The following DRC3 variants were observed in gnomAD, a reference collection of about 807,000 sequenced individuals.
The protein encoded by DRC3 is dynein regulatory complex subunit 3.
In DRC3, 45 loss-of-function variants were observed where a neutral mutation model predicts 57.6. The ratio of observed to expected loss-of-function variants is 0.78; its 90% CI spans 0.62 to 1.00. The LOEUF is 1.00. Among genes scored for constraint, DRC3 ranks in the 50% least tolerant of loss-of-function variants. DRC3 has a pLI of 0.00. For missense variants in DRC3, 655 were observed against 675.2 expected (o/e 0.97, Z 0.33); for synonymous variants, 257 against 272.3 (o/e 0.94, Z 0.55).
intron 2 of DRC3, among the ~76,000 whole-genome samples, chr17:17,975,923 A>G (rs1259526332): frequency 6.6e-6 from 1 of 152,200 alleles, no homozygotes; most frequent in Non-Finnish European, 1.5e-5. Flanking sequence ...AGCTGCATCC[A>G]AGTGGATGGT....
chr17:18,003,659 T>G (rs1189859544), intron 9 of DRC3, among the ~76,000 whole-genome samples: 1 of 139,204 alleles, frequency 7.2e-6, no homozygotes, highest in East Asian at 2.1e-4. Context: ...TTTTTTTTTT[T>G]TGAGACAGAG....
intron 2 of DRC3, among the ~76,000 whole-genome samples, chr17:17,975,524 C>T (rs1270645389): frequency 6.8e-6 from 1 of 146,640 alleles, no homozygotes; most frequent in Non-Finnish European, 1.5e-5. Flanking sequence ...CACCCCCCCC[C>T]CAAAAAAAAG....
At chr17:18,005,819 A>G (rs1471035744) in intron 10 of DRC3, 2 of 266,066 alleles carry the variant, frequency 7.5e-6, no homozygotes, top group Non-Finnish European at 1.5e-5. Flanking sequence ...AGCTCACTCC[A>G]CTGTTTCCCT....
rs760931151 is a variant in DRC3 at position 17,997,588 on chromosome 17, A to AGCAGG, written c.957_961dup (p.Lys321ArgfsTer17). On this transcript the variant is annotated frameshift_variant, in exon 9 of 14. Coordinates refer to ENST00000399187, the MANE Select transcript of DRC3 (RefSeq NM_031294.4). LOFTEE classifies it high-confidence loss of function. Reference sequence around the variant, plus strand: ...CGTGAGGCCATCCAGGAAAACCAGGAGCAGGGCAAACGCAAGATTGCCAAA... The same window carrying AGCAGG: ...CGTGAGGCCATCCAGGAAAACCAGGAGCAGGGCAGGGCAAACGCAAGATTGCCAAA... 6.2e-7 allele frequency: 1 copy of AGCAGG among 1,611,238 alleles called. No homozygotes were observed. Among genetic ancestry groups the AGCAGG allele is most frequent in the East Asian group, 2.2e-5 (1 of 44,666 alleles).
At chr17:17,998,977 G>T (rs1416550981) in intron 9 of DRC3, among the ~76,000 whole-genome samples, 8 of 152,228 alleles carry the variant, frequency 5.3e-5, no homozygotes, top group Non-Finnish European at 1.0e-4. Context: ...TTGAGTGGCA[G>T]TTGTCCCCTC....
chr17:17,982,159 AT>A (rs1206002149), intron 3 of DRC3, among the ~76,000 whole-genome samples: 12 of 147,290 alleles, frequency 8.1e-5, no homozygotes, highest in Non-Finnish European at 1.8e-4. Context: ...CGCCCAACTA[AT>A]TTTTGTATTT....
At position 18,004,379 on chromosome 17, in the gene DRC3, G is replaced by A. The variant is rs766923022; in HGVS notation, c.1016G>A (p.Arg339Gln). The change falls in exon 10 of 14, where the codon CGA becomes CAA. Residue 339 changes from arginine (R) to glutamine (Q), a missense_variant. By Grantham distance (43) the Arg-to-Gln change is conservative. Coordinates refer to ENST00000399187, the MANE Select transcript of DRC3 (RefSeq NM_031294.4). ...EKHLSSLSAI[R>Q]EELELPNIEK... ...TGTTTCTAGAGTTTAAGTGCCATTCGAGAGGAGTTGGAACTGCCCAACATT... is the reference window on the plus strand; with the variant it reads ...TGTTTCTAGAGTTTAAGTGCCATTCAAGAGGAGTTGGAACTGCCCAACATT... 2.5e-6 allele frequency: 4 copies of A among 1,604,846 alleles called. No homozygotes were observed. Among genetic ancestry groups the A allele is most frequent in the South Asian group, 2.2e-5 (2 of 89,288 alleles).
intron 2 of DRC3, 176 bp from the exon 3 acceptor site, chr17:17,977,406 G>A (rs1378249538): frequency 2.9e-6 from 2 of 686,080 alleles, no homozygotes; most frequent in Non-Finnish European, 4.8e-6. Context: ...AGGAAGCCCT[G>A]GAGCAGCCTT....
intron 9 of DRC3, among the ~76,000 whole-genome samples, chr17:18,001,097 T>C (rs1280304081): frequency 6.6e-6 from 1 of 151,938 alleles, no homozygotes; most frequent in Non-Finnish European, 1.5e-5. Flanking sequence ...CTTTCTTTTT[T>C]TTTTTTAGCT....
intron 12 of DRC3, chr17:18,007,702 C>A: frequency 7.8e-7 from 1 of 1,281,162 alleles, no homozygotes; most frequent in South Asian, 1.8e-5. Context: ...GGTCCCGCGG[C>A]AGCATGTCTA....
intron 6 of DRC3, chr17:17,993,866 A>G (rs7220382): frequency 0.013 from 2,450 of 187,426 alleles, 69 homozygotes; most frequent in African/African-American, 0.056. Context: ...CCTCGTGACC[A>G]GCCCTATGGC....
At position 17,976,378 on chromosome 17, in the gene DRC3, T is replaced by G. The variant is rs191545602; in HGVS notation, c.-17-1204T>G. Among the ~76,000 whole-genome samples the G allele has an allele frequency of 1.7e-3, 253 of 152,246 alleles. 1 individual carries two copies. Among genetic ancestry groups the G allele is most frequent in the African/African-American group, 5.8e-3 (240 of 41,538 alleles). ...TCTCAGTCAAATCCCTCTGGACCAT[T>G]AGCAACAGAATCTACTGGAGGCTGG... On this transcript the variant is annotated intron_variant, in intron 2 of 13. Transcript: ENST00000399187.
chr17:18,011,307 C>G (rs1048185214), intron 12 of DRC3: 1 of 347,194 alleles, frequency 2.9e-6, no homozygotes, highest in Non-Finnish European at 5.6e-6. Context: ...CCTGCCCCAG[C>G]CAGCGCAGCA....
intron 5 of DRC3, chr17:17,988,502 G>A (rs79189580): frequency 1.0e-3 from 176 of 173,066 alleles, no homozygotes; most frequent in African/African-American, 4.0e-3. Flanking sequence ...ACAAGAAGCC[G>A]GTGTCCTGAG....
chr17:18,006,680 G>A (rs1343914428), intron 11 of DRC3: 1 of 372,868 alleles, frequency 2.7e-6, no homozygotes, highest in Non-Finnish European at 5.0e-6. Context: ...GCAGCCCTGT[G>A]GTCCTGCCCT....
chr17:17,993,908 C>T lies in DRC3; in HGVS notation c.592-391C>T, dbSNP rs187883516. ...CTACCTCTGTCCTGTTGTCCTCCTT[C>T]CCTAAAAGAGGGCCAGAAGGCCTGC... is the stretch of plus-strand genomic sequence containing the variant. On this transcript the variant is annotated intron_variant, in intron 6 of 13. Coordinates refer to ENST00000399187, the MANE Select transcript of DRC3 (RefSeq NM_031294.4). 1.1e-3 allele frequency: 276 copies of T among 240,958 alleles called. 1 individual carries two copies. Among genetic ancestry groups the T allele is most frequent in the Admixed American group, 1.9e-3 (38 of 19,736 alleles). 14.9% of individuals were successfully genotyped at this position (240,958 alleles called of 1,614,324 possible).
intron 9 of DRC3, among the ~76,000 whole-genome samples, chr17:18,001,691 G>A (rs1486018650): frequency 2.0e-5 from 3 of 152,086 alleles, no homozygotes; most frequent in African/African-American, 4.8e-5. Flanking sequence ...AGCACTTCGG[G>A]AAGCTGTGGC....
chr17:17,980,313 G>C (rs373704513), intron 3 of DRC3, among the ~76,000 whole-genome samples: 2 of 150,364 alleles, frequency 1.3e-5, no homozygotes, highest in African/African-American at 4.9e-5. Context: ...ACGGAGTCTC[G>C]CTCTGCCGCC....
Position 17,997,462 on chromosome 17 carries a change from A to G in DRC3, c.827A>G (p.Tyr276Cys), listed in dbSNP as rs1485101916. Residue 276 changes from tyrosine to cysteine, a missense_variant and splice_region_variant, in exon 9 of 14, where the codon TAC becomes TGC. Coordinates refer to ENST00000399187, the MANE Select transcript of DRC3 (RefSeq NM_031294.4). ...GGGCTTCCTTAACAGCCACTCACCT[A>G]CAAGGACAAGTTTGTCATCATCTGC... ...LPGVGELLET[Y>C]KDKFVIICVN... is the part of the protein sequence containing the mutation. The G allele has an allele frequency of 3.7e-6, 6 of 1,612,830 alleles. No homozygotes were observed. The African/African-American group carries it at 8.0e-5, about 22-fold the overall frequency.
Sources: allele counts gnomAD v4.1 joint callset (sites outside exome capture counted in the v4.1 genomes callset), GRCh38; gene constraint gnomAD v4.1.1; transcripts MANE v1.5; gene names NCBI Gene and HGNC (gene_info 2026-07-23, HGNC 2026-07-21).